PCDH7: variants seen among roughly 807,000 people sequenced by gnomAD.
PCDH7 encodes protocadherin-7.
Under a neutral mutation model 58.9 loss-of-function variants are expected in PCDH7, and 17 were observed. The ratio of observed to expected loss-of-function variants is 0.29; its 90% confidence interval spans 0.20 to 0.43. The LOEUF (loss-of-function observed/expected upper bound fraction) is 0.43. PCDH7 is among the 20% of genes least tolerant of loss of function. PCDH7 has a pLI of 1.00. For synonymous variants in PCDH7, 664 were observed against 616.4 expected, an observed-to-expected ratio of 1.08 and a Z score of -1.14; for missense variants, 1,274 against 1,441.0, an observed-to-expected ratio of 0.88 and a Z score of 1.88.
chr4:30,848,516 A>G (rs1560431935), intron 1 of PCDH7, among the ~76,000 whole-genome samples: 1 of 152,122 alleles, frequency 6.6e-6, no homozygotes, highest in Admixed American at 6.6e-5. Context: ...GACAGATGCA[A>G]TGAGGGCTGT....
rs147947814 is a variant in PCDH7, at chr4:30,801,165, A to G, written c.70+76569A>G. 1.8e-4 allele frequency among the ~76,000 whole-genome samples: 27 copies of G among 152,332 alleles called. No homozygotes were observed. The East Asian group carries it at 5.0e-3, about 28-fold the overall frequency. The stretch of plus-strand genomic sequence containing the variant: ...GGTGGTTAGATGTTGGGAAAAGATT[A>G]GATGTTGGGGAAAAGAGAAAATAGT... On this transcript the variant is annotated intron_variant, in intron 1 of 3. Coordinates refer to the PCDH7 transcript ENST00000509759.
At chr4:30,979,881 G>A (rs1024053817) in intron 3 of PCDH7, among the ~76,000 whole-genome samples, 1 of 151,914 alleles carries the variant, frequency 6.6e-6, no homozygotes, top group Non-Finnish European at 1.5e-5. Context: ...TTACCAACTA[G>A]CAAATTTTTG....
chr4:30,962,410 A>C (rs916701557), intron 3 of PCDH7, among the ~76,000 whole-genome samples: 3 of 152,192 alleles, frequency 2.0e-5, no homozygotes, highest in Non-Finnish European at 4.4e-5. Context: ...AAGTTATTTA[A>C]AGCCTATGTG....
intron 3 of PCDH7, among the ~76,000 whole-genome samples, chr4:31,007,897 T>G (rs1477387070): frequency 6.6e-6 from 1 of 152,190 alleles, no homozygotes; most frequent in Non-Finnish European, 1.5e-5. Context: ...CAGCTTTCTT[T>G]TCTTTTACTG....
At chr4:30,922,219 G>A (rs570801163) in intron 2 of PCDH7, among the ~76,000 whole-genome samples, 1 of 151,670 alleles carries the variant, frequency 6.6e-6, no homozygotes, top group East Asian at 1.9e-4. Context: ...AATATAGATA[G>A]ATGATAAATA....
chr4:30,760,670 A>T (rs1455075209), intron 1 of PCDH7, among the ~76,000 whole-genome samples: 1 of 152,170 alleles, frequency 6.6e-6, no homozygotes, highest in Non-Finnish European at 1.5e-5. Flanking sequence ...GGGGAACTAC[A>T]AACCACTGCT....
At chr4:30,860,343 G>T (rs1056904501) in intron 1 of PCDH7, among the ~76,000 whole-genome samples, 19 of 151,978 alleles carry the variant, frequency 1.3e-4, no homozygotes, top group African/African-American at 4.6e-4. Context: ...CACTGAATTA[G>T]AAAAAGTCAC....
intron 3 of PCDH7, among the ~76,000 whole-genome samples, chr4:30,966,688 G>A (rs952826784): frequency 6.6e-6 from 1 of 151,908 alleles, no homozygotes; most frequent in Non-Finnish European, 1.5e-5. Context: ...GTTCCATATT[G>A]TCAGTTGTTG....
intron 3 of PCDH7, among the ~76,000 whole-genome samples, chr4:31,076,297 C>T (rs576918935): frequency 1.3e-5 from 2 of 152,226 alleles, no homozygotes; most frequent in South Asian, 2.1e-4. Context: ...TTTTGTGATA[C>T]CATCCTTTAT....
At chr4:31,027,667 C>T (rs1488931976) in intron 3 of PCDH7, among the ~76,000 whole-genome samples, 1 of 152,110 alleles carries the variant, frequency 6.6e-6, no homozygotes, top group East Asian at 1.9e-4. Flanking sequence ...ATGTACCGCC[C>T]ACCTTGGCCT....
At chr4:30,934,916 C>T (rs536439366) in intron 2 of PCDH7, among the ~76,000 whole-genome samples, 1 of 152,122 alleles carries the variant, frequency 6.6e-6, no homozygotes, top group African/African-American at 2.4e-5. Flanking sequence ...TGTATTATCT[C>T]CTTCACTTAC....
At chr4:31,068,729 T>C (rs1474905216) in intron 3 of PCDH7, among the ~76,000 whole-genome samples, 1 of 151,978 alleles carries the variant, frequency 6.6e-6, no homozygotes, top group Non-Finnish European at 1.5e-5. Flanking sequence ...GAGATTGAGT[T>C]ATAAGAAAGG....
intron 2 of PCDH7, among the ~76,000 whole-genome samples, chr4:30,939,893 G>A (rs982894713): frequency 3.3e-5 from 5 of 152,086 alleles, no homozygotes; most frequent in Non-Finnish European, 5.9e-5. Context: ...ACAGAGGATA[G>A]CATTCCATGT....
intron 3 of PCDH7, among the ~76,000 whole-genome samples, chr4:31,075,045 C>T (rs530774682): frequency 1.1e-4 from 16 of 152,202 alleles, no homozygotes; most frequent in Admixed American, 8.5e-4. Flanking sequence ...AAAGAAATTA[C>T]ACGATTGTCT....
At chr4:30,999,800 G>A (rs2109135716) in intron 3 of PCDH7, among the ~76,000 whole-genome samples, 1 of 152,198 alleles carries the variant, frequency 6.6e-6, no homozygotes, top group African/African-American at 2.4e-5. Context: ...TAGATCTAAT[G>A]TGTTAAAGTA....
rs376019479 is a variant in PCDH7 at position 30,722,355 on chromosome 4, C to T, written c.933C>T (p.Ser311=). Residue 311 remains serine (S), a synonymous_variant, in exon 1 of 2, where the codon AGC becomes AGT. Transcript: ENST00000361762. This position sits in a 1 kb window ranked among gnomAD's most constrained non-coding sequence, Gnocchi z 7.6. ...ACAACAGCCCCCGCTTCGAGAAGAG[C>T]GTGTACGAGGCCGACTTGGCTGAGA... The T allele has an allele frequency of 4.9e-5, 79 of 1,612,324 alleles. No individual in the cohort carries two copies. In the South Asian group the frequency reaches 8.2e-4, roughly 17 times the overall value.
chr4:31,138,759 G>A (rs181097859), intron 3 of PCDH7, among the ~76,000 whole-genome samples: 1 of 152,146 alleles, frequency 6.6e-6, no homozygotes, highest in Non-Finnish European at 1.5e-5. Context: ...ATCATTTGAG[G>A]TCAGAAGTTC....
intron 3 of PCDH7, among the ~76,000 whole-genome samples, chr4:30,979,182 T>C (rs1011114310): frequency 7.9e-5 from 12 of 151,636 alleles, no homozygotes; most frequent in African/African-American, 2.7e-4. Context: ...AAAAATCAGC[T>C]GGGCGTGGTG....
chr4:30,797,794 T>G (rs146038464), intron 1 of PCDH7, among the ~76,000 whole-genome samples: 1 of 152,302 alleles, frequency 6.6e-6, no homozygotes, highest in Non-Finnish European at 1.5e-5. Flanking sequence ...ATTGGAAAAT[T>G]ACGTGTTTTC....
Sources: gnomAD v4.1 joint callset for allele counts (sites outside exome capture counted in the v4.1 genomes callset) on GRCh38, gnomAD v4.1.1 for gene constraint, Gnocchi (gnomAD v3.1) non-coding constraint, MANE v1.5 for transcripts, NCBI Gene and HGNC (gene_info 2026-07-23, HGNC 2026-07-21) for gene names.